The following SELE variants were observed in gnomAD, a reference collection of about 807,000 sequenced individuals.
The protein encoded by SELE is E-selectin.
In SELE, 52 loss-of-function variants were observed where a neutral mutation model predicts 75.8. The observed-to-expected ratio is 0.69, with a 90% CI of 0.55 to 0.86. The LOEUF is 0.86. Among genes scored for constraint, SELE ranks in the 40% least tolerant of loss-of-function variants. The probability of loss-of-function intolerance (pLI) is 0.00; values close to 1 mark genes in which losing one functional copy is unlikely to be tolerated. For synonymous variants in SELE, 285 were observed against 258.7 expected (o/e 1.10, Z -0.98); for missense variants, 754 against 732.7 (o/e 1.03, Z -0.34).
At chr1:169,727,953 G>A in intron 8 of SELE, 26 bp from the exon 9 acceptor site, 1 of 1,602,248 alleles carries the variant, frequency 6.2e-7, no homozygotes, top group African/African-American at 1.3e-5. Flanking sequence ...GAGCACTTTA[G>A]AAGTTTGTTT....
Position 169,730,622 on chromosome 1 carries a change from AAAAG to A in SELE, c.530-9_530-6del. 6.3e-7 allele frequency: 1 copy of A among 1,590,248 alleles called. No individual in the cohort carries two copies. Among genetic ancestry groups the A allele is most frequent in the Non-Finnish European group, 8.6e-7 (1 of 1,165,196 alleles). On this transcript the variant is annotated splice_polypyrimidine_tract_variant and splice_region_variant and intron_variant, in intron 4 of 13. Transcript: ENST00000333360. ...CCAGGGCTGTACAGTTCACAACTGA[AAAAG>A]AAACCCAAATCAGTTCTGCTCATCT...
chr1:169,727,442 AC>A lies in SELE; in HGVS notation c.1551del (p.Lys517AsnfsTer42). On this transcript the variant is annotated frameshift_variant, in exon 10 of 14. Transcript: ENST00000333360. LOFTEE classifies it high-confidence loss of function. ...AGCGTCCATCCTTCAGGACAGGCGA[AC>A]TTGCACACAGTGCCAAACACGGGCT... Reference protein sequence around the residue: ...SGEPVFGTVCKFACPEGWTLN... With the variant: ...SGEPVFGTVCXFACPEGWTLN... 6.2e-7 allele frequency: 1 copy of A among 1,614,190 alleles called. No individual in the cohort carries two copies. The highest frequency in any genetic ancestry group is 1.6e-4 in the Middle Eastern group (1 of 6,062).
chr1:169,729,150 T>C (rs745420765), intron 7 of SELE, 36 bp downstream of exon 7: 1 of 1,538,756 alleles, frequency 6.5e-7, no homozygotes, highest in Non-Finnish European at 8.8e-7. Context: ...ATGGTTGTTC[T>C]TTAAGAAAGT....
chr1:169,730,398 A>G (rs1648882221), intron 5 of SELE, 34 bp downstream of exon 5: 1 of 1,509,138 alleles, frequency 6.6e-7, no homozygotes, highest in Non-Finnish European at 9.0e-7. Flanking sequence ...GGGATGAGTT[A>G]CAGAACGTTC....
rs779033723 is a variant in SELE, at chr1:169,730,489, C to T, written c.658G>A (p.Glu220Lys). Residue 220 changes from glutamate (E) to lysine (K), a missense_variant, in exon 5 of 14, where the codon GAG becomes AAG. Physicochemically the swap from Glu to Lys is moderately conservative, Grantham distance 56. Coordinates refer to ENST00000333360, the MANE Select transcript of SELE (RefSeq NM_000450.2). ...CDRGYLPSSM[E>K]TMQCMSSGEW... ...CCAGAGGACATACACTGCATGGTCT[C>T]CATGCTGCTTGGCAGGTAACCCCTA... The T allele has an allele frequency of 3.1e-6, 5 of 1,614,082 alleles. No homozygotes were observed. The highest frequency in any genetic ancestry group is 4.2e-6 in the Non-Finnish European group (5 of 1,179,974).
chr1:169,729,576 G>A lies in SELE; in HGVS notation c.813C>T (p.Asp271=), dbSNP rs1333177602. ...SFPWNTTCTF[D]CEEGFELMGA... is the part of the protein sequence containing the mutation. Reference sequence around the variant, plus strand: ...CCATTAGTTCAAATCCTTCTTCACAGTCAAATGTACAGGTTGTGTTCCATG... The same window carrying A: ...CCATTAGTTCAAATCCTTCTTCACAATCAAATGTACAGGTTGTGTTCCATG... Residue 271 remains aspartate (D), a synonymous_variant, in exon 6 of 14, where the codon GAC becomes GAT. Transcript: ENST00000333360. The A allele has an allele frequency of 1.2e-6, 2 of 1,614,046 alleles. No homozygotes were observed. Among genetic ancestry groups the A allele is most frequent in the Non-Finnish European group, 1.7e-6 (2 of 1,180,030 alleles).
chr1:169,730,859 A>G (rs1211482509), intron 4 of SELE, among the ~76,000 whole-genome samples: 2 of 152,202 alleles, frequency 1.3e-5, no homozygotes, highest in Admixed American at 6.5e-5. Context: ...ATTGAGTGAT[A>G]TGGGGAGAGT....
chr1:169,728,284 G>A, intron 7 of SELE, 38 bp from the exon 8 acceptor site: 2 of 1,599,880 alleles, frequency 1.3e-6, no homozygotes, highest in East Asian at 2.2e-5. Context: ...ATATTGCAGT[G>A]GAACTAGAGA....
At chr1:169,726,917 C>A in intron 10 of SELE, 111 bp from the exon 11 acceptor site, 1 of 727,060 alleles carries the variant, frequency 1.4e-6, no homozygotes, top group Non-Finnish European at 2.4e-6. Flanking sequence ...AGCAGAAGAG[C>A]TATCTAGTTT....
Position 169,728,159 on chromosome 1 carries a change from C to T in SELE, c.1178G>A (p.Ser393Asn). 6.2e-7 allele frequency: 1 copy of T among 1,614,218 alleles called. No homozygotes were observed. The highest frequency in any genetic ancestry group is 1.3e-5 in the African/African-American group (1 of 75,064). Residue 393 changes from serine (S) to asparagine (N), a missense_variant, in exon 8 of 14, where the codon AGC becomes AAC. By Grantham distance (46) the Ser-to-Asn change is conservative. Coordinates refer to ENST00000333360, the MANE Select transcript of SELE (RefSeq NM_000450.2). ...ACCCTGCTCACAGGAGAACTCACAG[C>T]TGGACCCATAACGGAAACTGCCAGA... ...SASGSFRYGSSCEFSCEQGFV... is the reference protein window; with the variant it reads ...SASGSFRYGSNCEFSCEQGFV...
chr1:169,729,506 C>G lies in SELE; in HGVS notation c.883G>C (p.Glu295Gln), dbSNP rs5364. The change falls in exon 6 of 14, where the codon GAG (glutamate) becomes CAG (glutamine). Residue 295 changes from glutamate (E) to glutamine (Q), a missense_variant. Glu to Gln is a conservative substitution (Grantham distance 29, BLOSUM62 2). Transcript: ENST00000333360. ...QCTSSGNWDN[E>Q]KPTCKAVTCR... Reference sequence around the variant, plus strand: ...ACTCTACCTTTACACGTTGGCTTCTCGTTGTCCCAATTCCCAGATGAGGTA... The same window carrying G: ...ACTCTACCTTTACACGTTGGCTTCTGGTTGTCCCAATTCCCAGATGAGGTA... 5 of 1,614,110 alleles carry G rather than the reference C, an allele frequency of 3.1e-6. No individual in the cohort carries two copies. In the South Asian group the frequency reaches 4.4e-5, roughly 14 times the overall value.
chr1:169,730,670 G>C, intron 4 of SELE, 53 bp from the exon 5 acceptor site: 12 of 1,031,128 alleles, frequency 1.2e-5, no homozygotes, highest in Non-Finnish European at 1.6e-5. Flanking sequence ...TAACAGATAA[G>C]AACACTGGAA....
chr1:169,733,443 A>G (rs1648968796), intron 2 of SELE, 133 bp downstream of exon 2: 1 of 862,428 alleles, frequency 1.2e-6, no homozygotes, highest in Non-Finnish European at 1.9e-6. Context: ...CCAGGGAAGA[A>G]CACATTGCAG....
In SELE at chr1:169,733,630, TCACCCAAAGGTTTAGGCTTGAAA is replaced by T. The variant is rs1350509474; in HGVS notation, c.-41_-19del. 6.2e-7 allele frequency: 1 copy of T among 1,613,688 alleles called. No homozygotes were observed. Among genetic ancestry groups the T allele is most frequent in the Admixed American group, 1.7e-5 (1 of 60,006 alleles). On this transcript the variant is annotated 5_prime_UTR_variant, in exon 2 of 14. Transcript: ENST00000333360. ...GCAATCATGACTTCAAGAGTTCTTTTCACCCAAAGGTTTAGGCTTGAAATACTTTCCTGGGGAGATAAAACACA... is the reference window on the plus strand; with the variant it reads ...GCAATCATGACTTCAAGAGTTCTTTTTACTTTCCTGGGGAGATAAAACACA...
rs753169336 is a variant in SELE at position 169,729,227 on chromosome 1, G to C, written c.1049C>G (p.Thr350Ser). 1 of 1,613,916 alleles carries C rather than the reference G, an allele frequency of 6.2e-7. No homozygotes were observed. Among genetic ancestry groups the C allele is most frequent in the South Asian group, 1.1e-5 (1 of 91,044 alleles). Residue 350 changes from threonine (T) to serine (S), a missense_variant, in exon 7 of 14, where the codon ACC becomes AGC. Coordinates refer to ENST00000333360, the MANE Select transcript of SELE (RefSeq NM_000450.2). ...MLQGPAQVEC[T>S]TQGQWTQQIP... ...TTGCTGTGTCCACTGCCCTTGAGTG[G>C]TGCATTCAACCTGGGCTGGTCCCTG...
intron 13 of SELE, among the ~76,000 whole-genome samples, chr1:169,724,816 G>T (rs1648705609): frequency 6.6e-6 from 1 of 152,208 alleles, no homozygotes; most frequent in Admixed American, 6.5e-5. Flanking sequence ...AATTGAAGGG[G>T]TGGTGGGGAG....
At chr1:169,726,656 AT>A in intron 11 of SELE, 42 bp downstream of exon 11, 1 of 1,345,752 alleles carries the variant, frequency 7.4e-7, no homozygotes, top group African/African-American at 1.4e-5. Context: ...AAAGAAATGT[AT>A]TTTCAAAAAC....
Position 169,727,787 on chromosome 1 carries a change from C to T in SELE, c.1420G>A (p.Glu474Lys). ...GFELHGSTQLECTSQGQWTEE... is the reference protein window; with the variant it reads ...GFELHGSTQLKCTSQGQWTEE... ...GTCCATTGTCCCTGAGATGTGCACT[C>T]AAGTTGAGTTGATCCATGTAATTCA... Residue 474 changes from glutamate (E) to lysine (K), a missense_variant, in exon 9 of 14, where the codon GAG becomes AAG. Transcript: ENST00000333360. The T allele has an allele frequency of 6.2e-7, 1 of 1,614,172 alleles. No homozygotes were observed. Among genetic ancestry groups the T allele is most frequent in the Non-Finnish European group, 8.5e-7 (1 of 1,180,024 alleles).
chr1:169,732,774 TCTGGGTTCCTACCCAGACC>T lies in SELE; in HGVS notation c.243_261del (p.Trp81Ter), dbSNP rs1184066835. ...TTCTTGGCTTCTTCTGTCAGAGGTTTCTGGGTTCCTACCCAGACCCACACATTGTTGACTTTTCTGATTC... is the reference window on the plus strand; with the variant it reads ...TTCTTGGCTTCTTCTGTCAGAGGTTTCACACATTGTTGACTTTTCTGATTC... On this transcript the variant is annotated frameshift_variant, in exon 3 of 14. Transcript: ENST00000333360. LOFTEE classifies it high-confidence loss of function. 6.2e-7 allele frequency: 1 copy of T among 1,614,064 alleles called. No individual in the cohort carries two copies. The highest frequency in any genetic ancestry group is 1.3e-5 in the African/African-American group (1 of 74,940).
Sources: allele counts gnomAD v4.1 joint callset (sites outside exome capture counted in the v4.1 genomes callset), GRCh38; gene constraint gnomAD v4.1.1; transcripts MANE v1.5; gene names NCBI Gene and HGNC (gene_info 2026-07-23, HGNC 2026-07-21).